Variants in PLXDC2 observed in about 807,000 individuals in gnomAD.
PLXDC2 encodes plexin domain containing 2, also known as plexin domain-containing protein 2.
PLXDC2 carries 40 observed loss-of-function variants against 68.9 expected under a neutral mutation model. The ratio of observed to expected loss-of-function variants is 0.58; its 90% CI spans 0.45 to 0.76. The LOEUF (loss-of-function observed/expected upper bound fraction) is 0.76. Ranked by LOEUF, PLXDC2 falls within the 30% of genes least tolerant of loss-of-function variation. The pLI, the probability that PLXDC2 is intolerant of heterozygous loss-of-function variation, is 0.00. For missense variants in PLXDC2, 644 were observed against 661.9 expected, an observed-to-expected ratio of 0.97 and a Z score of 0.30; for synonymous variants, 243 against 234.2, an observed-to-expected ratio of 1.04 and a Z score of -0.34.
chr10:19,843,202 CAG>C (rs1048499400), intron 1 of PLXDC2, among the ~76,000 whole-genome samples: 2 of 152,010 alleles, frequency 1.3e-5, no homozygotes, highest in African/African-American at 4.8e-5. Context: ...TGTTTGAAAA[CAG>C]TGTTTATGTG....
At chr10:20,266,055 T>C (rs1245448158) in intron 13 of PLXDC2, among the ~76,000 whole-genome samples, 3 of 152,188 alleles carry the variant, frequency 2.0e-5, no homozygotes, top group African/African-American at 7.2e-5. Context: ...TACTTTATTA[T>C]ACCATTGAGA....
chr10:20,210,796 G>C (rs1396013375), intron 9 of PLXDC2, among the ~76,000 whole-genome samples: 1 of 152,214 alleles, frequency 6.6e-6, no homozygotes, highest in Admixed American at 6.5e-5. Context: ...GAATTGCACA[G>C]ATGATACTTA....
At chr10:20,034,008 T>A (rs1835540970) in intron 2 of PLXDC2, among the ~76,000 whole-genome samples, 2 of 152,170 alleles carry the variant, frequency 1.3e-5, no homozygotes, top group Admixed American at 6.6e-5. Context: ...TCCTGTTTTT[T>A]AAAAAAGGTC....
chr10:20,146,742 A>G (rs1166221217), intron 5 of PLXDC2, among the ~76,000 whole-genome samples: 1 of 152,168 alleles, frequency 6.6e-6, no homozygotes, highest in Non-Finnish European at 1.5e-5. Context: ...GGGTGTTCAA[A>G]ATATTTGAAA....
chr10:20,260,089 T>C (rs1193840973), intron 13 of PLXDC2, among the ~76,000 whole-genome samples: 1 of 152,182 alleles, frequency 6.6e-6, no homozygotes, highest in East Asian at 1.9e-4. Context: ...ATATTTAAGG[T>C]ATACAACAAT....
At chr10:19,822,091 G>C (rs1177116237) in intron 1 of PLXDC2, among the ~76,000 whole-genome samples, 2 of 151,524 alleles carry the variant, frequency 1.3e-5, no homozygotes, top group East Asian at 1.9e-4. Context: ...ATCACAAATA[G>C]CAAGATCTTC....
chr10:20,051,108 C>T (rs1835891411), intron 3 of PLXDC2, among the ~76,000 whole-genome samples: 1 of 151,940 alleles, frequency 6.6e-6, no homozygotes, highest in Non-Finnish European at 1.5e-5. Flanking sequence ...AACTGGAGGC[C>T]ATTATCCTTA....
At position 20,157,474 on chromosome 10, in the gene PLXDC2, G is replaced by C. The variant is rs1432364573; in HGVS notation, c.784-6994G>C. On this transcript the variant is annotated intron_variant, in intron 6 of 13. Coordinates refer to ENST00000377252, the MANE Select transcript of PLXDC2 (RefSeq NM_032812.9). Reference sequence around the variant, plus strand: ...GGTGATGTTTTCAGGGCAGAACAAAGAGGAAAATAAAATTCCATTAACTAT... The same window carrying C: ...GGTGATGTTTTCAGGGCAGAACAAACAGGAAAATAAAATTCCATTAACTAT... Among the ~76,000 whole-genome samples, 6 of 152,298 alleles carry C rather than the reference G, an allele frequency of 3.9e-5. No homozygotes were observed. In the East Asian group the frequency reaches 1.2e-3, roughly 29 times the overall value.
intron 3 of PLXDC2, among the ~76,000 whole-genome samples, chr10:20,060,620 C>T (rs901674777): frequency 1.3e-5 from 2 of 152,054 alleles, no homozygotes. Context: ...TCTGTTAGCC[C>T]AGTTCCTGTT....
rs61485230 is a variant in PLXDC2 at position 19,963,836 on chromosome 10, T to TA, written c.113-37928dup. ...ATGTACCCTAGAACTTGAAGTATAA[T>TA]AAAAAAAAAAACAAAAAACAAGCTT... On this transcript the variant is annotated intron_variant, in intron 1 of 13. Transcript: ENST00000377252. Among the ~76,000 whole-genome samples, 199 of 145,550 alleles carry TA rather than the reference T, an allele frequency of 1.4e-3. 1 individual carries two copies. The highest frequency in any genetic ancestry group is 4.0e-3 in the East Asian group (20 of 5,056).
At chr10:20,008,226 A>G (rs1835057715) in intron 2 of PLXDC2, among the ~76,000 whole-genome samples, 1 of 152,228 alleles carries the variant, frequency 6.6e-6, no homozygotes, top group African/African-American at 2.4e-5. Context: ...AGTCTGTTTA[A>G]GAGGAAATAA....
At chr10:20,073,042 C>T (rs545542792) in intron 4 of PLXDC2, among the ~76,000 whole-genome samples, 1 of 152,200 alleles carries the variant, frequency 6.6e-6, no homozygotes, top group South Asian at 2.1e-4. Flanking sequence ...AAGTTGACTA[C>T]AGGCCATTCT....
chr10:19,833,252 G>A (rs932637475), intron 1 of PLXDC2, among the ~76,000 whole-genome samples: 2 of 152,198 alleles, frequency 1.3e-5, no homozygotes, highest in Non-Finnish European at 2.9e-5. Flanking sequence ...GTCAAGTGCA[G>A]TGCTACTGTT....
At chr10:20,009,588 T>C (rs974376182) in intron 2 of PLXDC2, among the ~76,000 whole-genome samples, 10 of 151,664 alleles carry the variant, frequency 6.6e-5, no homozygotes, top group Admixed American at 5.3e-4. Context: ...TGAAAGCACG[T>C]AATTGAAAAG....
intron 4 of PLXDC2, among the ~76,000 whole-genome samples, chr10:20,137,999 C>T (rs1833955980): frequency 1.3e-5 from 2 of 152,126 alleles, no homozygotes; most frequent in Non-Finnish European, 2.9e-5. Context: ...GCTCAGTCCA[C>T]CTGTGACCCA....
intron 1 of PLXDC2, among the ~76,000 whole-genome samples, chr10:19,951,609 A>G (rs1473214612): frequency 6.6e-6 from 1 of 152,196 alleles, no homozygotes; most frequent in African/African-American, 2.4e-5. Context: ...CTTGAACTTA[A>G]AACAGAACTA....
At chr10:20,144,705 C>A (rs1834050017) in intron 5 of PLXDC2, among the ~76,000 whole-genome samples, 1 of 152,132 alleles carries the variant, frequency 6.6e-6, no homozygotes, top group Non-Finnish European at 1.5e-5. Flanking sequence ...TCTATGATTA[C>A]CATGCAAAAT....
intron 2 of PLXDC2, among the ~76,000 whole-genome samples, chr10:20,011,685 G>A (rs936023758): frequency 3.9e-5 from 6 of 152,124 alleles, no homozygotes; most frequent in African/African-American, 1.4e-4. Context: ...AATCACAAAT[G>A]GAATAATGAA....
At chr10:20,072,684 AGTT>A (rs1836356787) in intron 4 of PLXDC2, among the ~76,000 whole-genome samples, 1 of 152,188 alleles carries the variant, frequency 6.6e-6, no homozygotes, top group Non-Finnish European at 1.5e-5. Flanking sequence ...AATAGTTACC[AGTT>A]GTTTGAATAC....
Sources: allele counts gnomAD v4.1 joint callset (sites outside exome capture counted in the v4.1 genomes callset), GRCh38; gene constraint gnomAD v4.1.1; transcripts MANE v1.5; gene names NCBI Gene and HGNC (gene_info 2026-07-23, HGNC 2026-07-21).